Variants in LEPR observed in about 807,000 individuals in gnomAD.
The protein encoded by LEPR is leptin receptor.
Under a neutral mutation model 114.7 loss-of-function variants are expected in LEPR, and 56 were observed. The ratio of observed to expected loss-of-function variants is 0.49; its 90% CI spans 0.39 to 0.61. LEPR has a LOEUF of 0.61. Ranked by LOEUF, LEPR falls within the 20% of genes least tolerant of loss-of-function variation. The probability of loss-of-function intolerance (pLI) is 0.00; values close to 1 mark genes in which losing one functional copy is unlikely to be tolerated. For synonymous variants in LEPR, 443 were observed against 461.4 expected (o/e 0.96, Z 0.51); for missense variants, 1,202 against 1,352.9 (o/e 0.89, Z 1.75).
At chr1:65,613,723 G>T (rs1489798612) in intron 14 of LEPR, among the ~76,000 whole-genome samples, 1 of 44,890 alleles carries the variant, frequency 2.2e-5, no homozygotes, top group African/African-American at 1.2e-4. Context: ...ATTGCAGTCC[G>T]CAGTCCGGCC....
At chr1:65,635,796 T>G (rs1395958379) in intron 19 of LEPR, among the ~76,000 whole-genome samples, 1 of 152,192 alleles carries the variant, frequency 6.6e-6, no homozygotes, top group Non-Finnish European at 1.5e-5. Context: ...AGGAAGGAAA[T>G]ATCTTCAGAA....
At chr1:65,524,739 C>T (rs6656451) in intron 2 of LEPR, among the ~76,000 whole-genome samples, 63,693 of 151,988 alleles carry the variant, frequency 0.42, 15,719 homozygotes, top group Non-Finnish European at 0.55. Flanking sequence ...CTCCCTTACC[C>T]TGTTGATTTC....
chr1:65,639,915 A>G lies in LEPR; in HGVS notation c.*2900A>G, dbSNP rs527455562. Reference sequence around the variant, plus strand: ...CACCTTCTGTTGGATCTCTGTGTCCATTTAGAGATGAGCTACAAGTTGACA... The same window carrying G: ...CACCTTCTGTTGGATCTCTGTGTCCGTTTAGAGATGAGCTACAAGTTGACA... On this transcript the variant is annotated 3_prime_UTR_variant, in exon 20 of 20. Coordinates refer to ENST00000349533, the MANE Select transcript of LEPR (RefSeq NM_002303.6). 1.1e-4 allele frequency: 17 copies of G among 152,238 alleles called. No individual in the cohort carries two copies. The South Asian group carries it at 3.5e-3, about 32-fold the overall frequency. 9.4% of individuals were successfully genotyped at this position (152,238 alleles called of 1,614,324 possible).
chr1:65,437,780 G>A (rs1646585002), intron 2 of LEPR, among the ~76,000 whole-genome samples: 1 of 152,002 alleles, frequency 6.6e-6, no homozygotes, highest in African/African-American at 2.4e-5. Context: ...TTTAGATAGG[G>A]TGGCCATGAA....
intron 5 of LEPR, among the ~76,000 whole-genome samples, chr1:65,586,082 G>A (rs1324187159): frequency 1.3e-5 from 2 of 151,878 alleles, no homozygotes; most frequent in African/African-American, 4.8e-5. Context: ...GGTCTTTATT[G>A]ATCTCTAAAT....
chr1:65,503,775 C>T (rs945580390), intron 2 of LEPR, among the ~76,000 whole-genome samples: 1 of 146,224 alleles, frequency 6.8e-6, no homozygotes, highest in Admixed American at 7.0e-5. Flanking sequence ...TTTATAGATA[C>T]GTATATATAC....
chr1:65,504,946 C>A (rs1447112653), intron 2 of LEPR, among the ~76,000 whole-genome samples: 2 of 152,066 alleles, frequency 1.3e-5, no homozygotes, highest in Non-Finnish European at 2.9e-5. Context: ...CCAAGTTTTA[C>A]CCCATTCCAA....
At chr1:65,570,448 A>T (rs146287640) in intron 3 of LEPR, 25 bp from the exon 4 acceptor site, 5 of 1,604,674 alleles carry the variant, frequency 3.1e-6, no homozygotes, top group Non-Finnish European at 4.3e-6. Context: ...ACTTTTTTCT[A>T]TGTGTCTTTT....
chr1:65,629,092 C>A (rs539811797), intron 19 of LEPR, among the ~76,000 whole-genome samples: 1 of 152,024 alleles, frequency 6.6e-6, no homozygotes, highest in East Asian at 1.9e-4. Flanking sequence ...CACATTATTC[C>A]CTCCTTGTGT....
chr1:65,444,963 A>G lies in LEPR; in HGVS notation c.-21+19585A>G, dbSNP rs758821272. Among the ~76,000 whole-genome samples, 6 of 152,132 alleles carry G rather than the reference A, an allele frequency of 3.9e-5. 1 individual carries two copies. Among genetic ancestry groups the G allele is most frequent in the Non-Finnish European group, 5.9e-5 (4 of 68,018 alleles). On this transcript the variant is annotated intron_variant, in intron 2 of 19. Transcript: ENST00000349533. ...GACAAATAACCTGACTGTTACTCAGACCCAAGTTTTTTGACTTCAAGGGCA... is the reference window on the plus strand; with the variant it reads ...GACAAATAACCTGACTGTTACTCAGGCCCAAGTTTTTTGACTTCAAGGGCA...
At chr1:65,610,458 T>C (rs1207136866) in intron 14 of LEPR, among the ~76,000 whole-genome samples, 162 bp downstream of exon 14, 1 of 152,222 alleles carries the variant, frequency 6.6e-6, no homozygotes, top group African/African-American at 2.4e-5. Context: ...GTACAGTGGC[T>C]GAAGCACTGG....
At chr1:65,492,534 T>C (rs1376777326) in intron 2 of LEPR, among the ~76,000 whole-genome samples, 1 of 152,122 alleles carries the variant, frequency 6.6e-6, no homozygotes, top group Non-Finnish European at 1.5e-5. Flanking sequence ...AGGTCCTTTA[T>C]GTATTTTCTC....
At chr1:65,433,899 A>C in intron 2 of LEPR, 1 of 985,294 alleles carries the variant, frequency 1.0e-6, no homozygotes, top group Non-Finnish European at 1.2e-6. Flanking sequence ...GGCAGTTTTG[A>C]GCAATAATCT....
intron 2 of LEPR, among the ~76,000 whole-genome samples, chr1:65,477,470 G>C (rs1647172163): frequency 6.6e-6 from 1 of 152,228 alleles, no homozygotes; most frequent in Non-Finnish European, 1.5e-5. Flanking sequence ...CAGAAATGCT[G>C]TACTATTTCC....
At chr1:65,510,487 C>G (rs1448126507) in intron 2 of LEPR, among the ~76,000 whole-genome samples, 1 of 152,182 alleles carries the variant, frequency 6.6e-6, no homozygotes, top group African/African-American at 2.4e-5. Flanking sequence ...ACACTTCCCT[C>G]ACGTGGCCTT....
At chr1:65,609,836 GT>G in intron 12 of LEPR, 110 bp from the exon 13 acceptor site, 1 of 1,455,618 alleles carries the variant, frequency 6.9e-7, no homozygotes, top group South Asian at 1.2e-5. Context: ...CACAGAATCA[GT>G]TCTCTTAATT....
chr1:65,508,912 TA>T (rs1252181644), intron 2 of LEPR, among the ~76,000 whole-genome samples: 14 of 152,298 alleles, frequency 9.2e-5, no homozygotes, highest in Admixed American at 7.9e-4. Flanking sequence ...CTTCCTCGGT[TA>T]AATTACTCCT....
chr1:65,461,210 A>G (rs1646941446), intron 2 of LEPR, among the ~76,000 whole-genome samples: 1 of 152,154 alleles, frequency 6.6e-6, no homozygotes, highest in African/African-American at 2.4e-5. Context: ...CCTGGCCTCA[A>G]GATATCCGCC....
chr1:65,609,756 A>G (rs1453559270), intron 12 of LEPR, among the ~76,000 whole-genome samples, 191 bp from the exon 13 acceptor site: 2 of 152,232 alleles, frequency 1.3e-5, no homozygotes, highest in Non-Finnish European at 2.9e-5. Context: ...GACAAGATAA[A>G]TAAGAAAATC....
Sources: allele counts gnomAD v4.1 joint callset (sites outside exome capture counted in the v4.1 genomes callset), GRCh38; gene constraint gnomAD v4.1.1; transcripts MANE v1.5; gene names NCBI Gene and HGNC (gene_info 2026-07-23, HGNC 2026-07-21).